NCOA2: variants seen among roughly 807,000 people sequenced by gnomAD.
NCOA2 encodes the protein class E basic helix-loop-helix protein 75.
A neutral mutation model predicts 145.1 loss-of-function variants in NCOA2; 21 were observed. That is an observed-to-expected ratio of 0.14 (90% CI 0.10 to 0.21). The LOEUF (loss-of-function observed/expected upper bound fraction) is 0.21, where lower values mean the gene tolerates loss of function less well. NCOA2 is among the 10% of genes least tolerant of loss of function. The pLI, the probability that NCOA2 is intolerant of heterozygous loss-of-function variation, is 1.00. For synonymous variants in NCOA2, 619 were observed against 637.5 expected (o/e 0.97, Z 0.44); for missense variants, 1,472 against 1,837.6 (o/e 0.80, Z 3.64).
At chr8:70,129,247 G>A (rs750814952) in intron 16 of NCOA2, among the ~76,000 whole-genome samples, 42 of 152,212 alleles carry the variant, frequency 2.8e-4, no homozygotes, top group East Asian at 9.7e-4. Flanking sequence ...GGAAAAATGG[G>A]TCAGGACTAC....
At chr8:70,409,571 C>A in the NCOA2 span, among the ~76,000 whole-genome samples, 2 of 152,126 alleles carry the variant, frequency 1.3e-5, no homozygotes, top group Admixed American at 6.5e-5. Context: ...ATGATAAAAA[C>A]CAAACTATAA....
intron 4 of NCOA2, among the ~76,000 whole-genome samples, chr8:70,197,714 C>T (rs1209559253): frequency 3.3e-5 from 5 of 152,174 alleles, no homozygotes; most frequent in African/African-American, 1.2e-4. Flanking sequence ...TTATTTTAAA[C>T]TGACACAGCA....
intron 15 of NCOA2, among the ~76,000 whole-genome samples, chr8:70,134,092 ACAT>A (rs1258457850): frequency 9.9e-5 from 15 of 152,110 alleles, no homozygotes; most frequent in Non-Finnish European, 2.1e-4. Context: ...ACAAAGTCAC[ACAT>A]GCTGGGAGCT....
intron 2 of NCOA2, among the ~76,000 whole-genome samples, chr8:70,220,614 G>T (rs923365138): frequency 1.3e-5 from 2 of 152,104 alleles, no homozygotes; most frequent in African/African-American, 4.8e-5. Context: ...AAAGCCAGTT[G>T]AATCCTTAGC....
At chr8:70,270,568 G>A (rs1049015179) in intron 2 of NCOA2, among the ~76,000 whole-genome samples, 9 of 152,084 alleles carry the variant, frequency 5.9e-5, no homozygotes, top group African/African-American at 2.2e-4. Flanking sequence ...GGTGGCTGGC[G>A]GGGGTGGGGG....
At chr8:70,279,955 A>G (rs1395739025) in intron 2 of NCOA2, among the ~76,000 whole-genome samples, 1 of 152,206 alleles carries the variant, frequency 6.6e-6, no homozygotes, top group African/African-American at 2.4e-5. Flanking sequence ...TCCCACTTAC[A>G]AAAGGTAATA....
intron 1 of NCOA2, among the ~76,000 whole-genome samples, chr8:70,307,868 A>C (rs1226289002): frequency 1.3e-5 from 2 of 152,190 alleles, no homozygotes; most frequent in East Asian, 3.8e-4. Context: ...TTAGTTAGTA[A>C]ATCTATTTTT....
chr8:70,346,058 A>G (rs1377344675), intron 1 of NCOA2, among the ~76,000 whole-genome samples: 2 of 152,240 alleles, frequency 1.3e-5, no homozygotes, highest in African/African-American at 4.8e-5. Context: ...AAATATCCTA[A>G]TCAAGAAATA....
intron 1 of NCOA2, among the ~76,000 whole-genome samples, chr8:70,307,787 T>C (rs781640936): frequency 4.7e-4 from 72 of 152,348 alleles, no homozygotes; most frequent in Admixed American, 7.8e-4. Context: ...CACAGCAATT[T>C]TGTTACAGCC....
chr8:70,308,635 T>C lies in NCOA2; in HGVS notation c.-76-11835A>G, dbSNP rs184881106. 7.2e-4 allele frequency among the ~76,000 whole-genome samples: 110 copies of C among 152,358 alleles called. 1 individual carries two copies. Among genetic ancestry groups the C allele is most frequent in the Non-Finnish European group, 1.4e-3 (94 of 68,034 alleles). On this transcript the variant is annotated intron_variant, in intron 1 of 22. Coordinates refer to ENST00000452400, the MANE Select transcript of NCOA2 (RefSeq NM_006540.4). ...CATGAACTCCCAATTGGGAAGTTCT[T>C]ATTTCTATCAAAAGGAATCTAACAC...
At chr8:70,144,922 G>A (rs926862461) in intron 12 of NCOA2, 74 bp from the exon 13 acceptor site, 2 of 1,317,050 alleles carry the variant, frequency 1.5e-6, no homozygotes, top group African/African-American at 2.9e-5. Flanking sequence ...AGTGTTTAGG[G>A]ACAATGTCTG....
chr8:70,247,350 C>T (rs1449515372), intron 2 of NCOA2, among the ~76,000 whole-genome samples: 1 of 151,932 alleles, frequency 6.6e-6, no homozygotes, highest in Non-Finnish European at 1.5e-5. Context: ...AATGAAAACA[C>T]AAAAAAGCAC....
chr8:70,350,968 G>T (rs1044572724), intron 1 of NCOA2, among the ~76,000 whole-genome samples: 1 of 152,156 alleles, frequency 6.6e-6, no homozygotes, highest in South Asian at 2.1e-4. Context: ...AAGATGCTTG[G>T]CAACTGATGA....
rs1443168100 is a variant in NCOA2, at chr8:70,156,864, G to A, written c.1501C>T (p.Arg501Ter). The A allele has an allele frequency of 6.2e-7, 1 of 1,613,960 alleles. No homozygotes were observed. The change falls in exon 11 of 23, where the codon CGA becomes TGA. Residue 501 changes from arginine (R) to a stop codon, truncating the protein, a stop_gained. Coordinates refer to ENST00000452400, the MANE Select transcript of NCOA2 (RefSeq NM_006540.4). LOFTEE classifies it high-confidence loss of function. ...RMSPGVAGSP[R>*]IPPSQFSPAG... ...GGGGAAAACTGACTGGGTGGGATTCGAGGGCTGCCAGCCACTCCAGGGCTC... is the reference window on the plus strand; with the variant it reads ...GGGGAAAACTGACTGGGTGGGATTCAAGGGCTGCCAGCCACTCCAGGGCTC...
chr8:70,231,849 A>G (rs55812701), intron 2 of NCOA2, among the ~76,000 whole-genome samples: 11,807 of 152,176 alleles, frequency 0.078, 558 homozygotes, highest in East Asian at 0.13. Flanking sequence ...GCCTCTATCT[A>G]TCTTCCTAAG....
intron 2 of NCOA2, among the ~76,000 whole-genome samples, chr8:70,238,435 TGACC>T (rs33936559): frequency 1 from 152,250 of 152,254 alleles, 76,123 homozygotes; most frequent in Middle Eastern, 1. Flanking sequence ...AGAAGTTACA[TGACC>T]GACCTCTCCA....
intron 4 of NCOA2, among the ~76,000 whole-genome samples, chr8:70,191,269 T>G (rs74811321): frequency 6.6e-6 from 1 of 152,224 alleles, no homozygotes; most frequent in Non-Finnish European, 1.5e-5. Context: ...CTATAATGAA[T>G]AGACAGAAAT....
At chr8:70,343,847 A>G (rs1367623114) in intron 1 of NCOA2, among the ~76,000 whole-genome samples, 1 of 152,064 alleles carries the variant, frequency 6.6e-6, no homozygotes, top group Non-Finnish European at 1.5e-5. Flanking sequence ...ACAATTGAAC[A>G]TGAGTTCCAT....
intron 1 of NCOA2, among the ~76,000 whole-genome samples, chr8:70,309,286 TTAA>T (rs1435277840): frequency 6.6e-6 from 1 of 151,848 alleles, no homozygotes; most frequent in Non-Finnish European, 1.5e-5. Context: ...ATGAGCTATA[TTAA>T]TAATAAATTA....
Sources: gnomAD v4.1 joint callset for allele counts (sites outside exome capture counted in the v4.1 genomes callset) on GRCh38, gnomAD v4.1.1 for gene constraint, MANE v1.5 for transcripts, NCBI Gene and HGNC (gene_info 2026-07-23, HGNC 2026-07-21) for gene names.